ERN1: variants seen among roughly 807,000 people sequenced by gnomAD.
ERN1 encodes the protein endoplasmic reticulum to nucleus signaling 1.
ERN1 carries 39 observed loss-of-function variants against 113.1 expected under a neutral mutation model. That is an observed-to-expected ratio of 0.34 (90% CI 0.27 to 0.45). The LOEUF (loss-of-function observed/expected upper bound fraction) is 0.45, where lower values mean the gene tolerates loss of function less well. Ranked by LOEUF, ERN1 falls within the 20% of genes least tolerant of loss-of-function variation. ERN1 has a pLI of 1.00. For missense variants in ERN1, 976 were observed against 1,274.8 expected (o/e 0.77, Z 3.57); for synonymous variants, 507 against 515.9 (o/e 0.98, Z 0.23).
At chr17:64,053,004 C>A in intron 16 of ERN1, 25 bp from the exon 17 acceptor site, 1 of 1,549,676 alleles carries the variant, frequency 6.5e-7, no homozygotes, top group Admixed American at 1.9e-5. Flanking sequence ...CAGATTAGTC[C>A]AATGCTTACC....
intron 7 of ERN1, among the ~76,000 whole-genome samples, chr17:64,067,268 TAGC>T (rs1913259262): frequency 6.6e-6 from 1 of 152,014 alleles, no homozygotes; most frequent in African/African-American, 2.4e-5. Context: ...TGGCATTTCA[TAGC>T]AGTCACTTGA....
intron 8 of ERN1, among the ~76,000 whole-genome samples, chr17:64,066,018 A>AT (rs1913212564): frequency 6.6e-6 from 1 of 152,092 alleles, no homozygotes; most frequent in Non-Finnish European, 1.5e-5. Flanking sequence ...TTGCCGGCAT[A>AT]TTATCTTGTT....
At chr17:64,048,743 C>T (rs1912590127) in intron 18 of ERN1, among the ~76,000 whole-genome samples, 2 of 152,146 alleles carry the variant, frequency 1.3e-5, no homozygotes, top group Admixed American at 1.3e-4. Flanking sequence ...AGGAAGGGAC[C>T]TCTGATTATT....
In ERN1 at chr17:64,042,241, G is replaced by A. The variant is rs196905; in HGVS notation, c.*1747C>T. ...CAACGCACAGCCTTGCTTAGAAGACGCCAAGGACACCGACCAAGGGCCAAG... is the reference window on the plus strand; with the variant it reads ...CAACGCACAGCCTTGCTTAGAAGACACCAAGGACACCGACCAAGGGCCAAG... On this transcript the variant is annotated 3_prime_UTR_variant, in exon 22 of 22. Coordinates refer to ENST00000433197, the MANE Select transcript of ERN1 (RefSeq NM_001433.5). The A allele has an allele frequency of 0.93, 142,259 of 152,338 alleles. 67,226 individuals are homozygous for A. Among genetic ancestry groups the A allele is most frequent in the East Asian group, 1 (5,188 of 5,188 alleles). The allele number at this position is 152,338 out of a possible 1,614,324, so 9.4% of individuals were successfully genotyped here.
chr17:64,068,003 A>T, intron 7 of ERN1, 187 bp downstream of exon 7: 2 of 542,844 alleles, frequency 3.7e-6, no homozygotes, highest in Non-Finnish European at 6.6e-6. Context: ...TTCCCTTCAG[A>T]CTTCACCAAG....
intron 4 of ERN1, among the ~76,000 whole-genome samples, chr17:64,078,426 T>G (rs1303714199): frequency 6.6e-6 from 1 of 152,222 alleles, no homozygotes; most frequent in Non-Finnish European, 1.5e-5. Flanking sequence ...CTACAAATAC[T>G]TTGTGGCCTC....
At chr17:64,067,474 G>A (rs933631803) in intron 7 of ERN1, among the ~76,000 whole-genome samples, 2 of 151,440 alleles carry the variant, frequency 1.3e-5, no homozygotes, top group African/African-American at 4.9e-5. Context: ...GGGGAGTGGC[G>A]GTACGTGCCT....
intron 6 of ERN1, 45 bp from the exon 7 acceptor site, chr17:64,068,336 A>G (rs1158990887): frequency 7.5e-7 from 1 of 1,330,510 alleles, no homozygotes; most frequent in African/African-American, 1.4e-5. Context: ...GAGGGGCCAT[A>G]GTACCTACTG....
At chr17:64,064,178 G>C in intron 9 of ERN1, 27 bp from the exon 10 acceptor site, 1 of 1,561,330 alleles carries the variant, frequency 6.4e-7, no homozygotes, top group Non-Finnish European at 8.7e-7. Flanking sequence ...GTGAGGGTCA[G>C]GAGCCCTGGA....
chr17:64,072,406 A>T (rs1913447878), intron 5 of ERN1, among the ~76,000 whole-genome samples: 1 of 152,262 alleles, frequency 6.6e-6, no homozygotes, highest in South Asian at 2.1e-4. Flanking sequence ...GAGTGGCTTT[A>T]AATATGAAAA....
intron 1 of ERN1, among the ~76,000 whole-genome samples, chr17:64,126,599 T>G (rs1915087429): frequency 6.6e-6 from 1 of 152,176 alleles, no homozygotes; most frequent in South Asian, 2.1e-4. Flanking sequence ...TGCAGAAGGC[T>G]GAATAGGCAG....
At chr17:64,096,775 T>C (rs1270866019) in intron 2 of ERN1, among the ~76,000 whole-genome samples, 1 of 152,182 alleles carries the variant, frequency 6.6e-6, no homozygotes, top group African/African-American at 2.4e-5. Context: ...CACAGTTTTG[T>C]TGCATACAGA....
At chr17:64,099,857 T>C (rs1015322130) in intron 1 of ERN1, among the ~76,000 whole-genome samples, 2 of 152,152 alleles carry the variant, frequency 1.3e-5, no homozygotes, top group Non-Finnish European at 2.9e-5. Context: ...ACATCCCACC[T>C]CTTCGCTTTG....
At chr17:64,094,342 G>A (rs764101034) in intron 2 of ERN1, among the ~76,000 whole-genome samples, 26 of 152,110 alleles carry the variant, frequency 1.7e-4, no homozygotes, top group South Asian at 2.1e-4. Flanking sequence ...GCGTGTGTCC[G>A]AGCATTTACA....
chr17:64,084,328 C>T (rs1449065232), intron 2 of ERN1, among the ~76,000 whole-genome samples: 2 of 152,162 alleles, frequency 1.3e-5, no homozygotes, highest in African/African-American at 4.8e-5. Context: ...GTTTCGATGC[C>T]AACCATAATT....
At chr17:64,084,573 A>G (rs11869535) in intron 2 of ERN1, among the ~76,000 whole-genome samples, 9,286 of 152,290 alleles carry the variant, frequency 0.061, 378 homozygotes, top group Non-Finnish European at 0.088. Context: ...GGGCATCTCT[A>G]TGTGGATTAA....
chr17:64,066,859 C>T lies in ERN1; in HGVS notation c.654G>A (p.Trp218Ter). Residue 218 changes from tryptophan (W) to a stop codon, truncating the protein, a stop_gained, in exon 8 of 22, where the codon TGG becomes TGA. Coordinates refer to ENST00000433197, the MANE Select transcript of ERN1 (RefSeq NM_001433.5). LOFTEE classifies it high-confidence loss of function. Reference sequence around the variant, plus strand: ...CCACAGGGGAGGCGTAGTTTTGGATCCACAGGACGTCCCCAGATTCACTGT... The same window carrying T: ...CCACAGGGGAGGCGTAGTTTTGGATTCACAGGACGTCCCCAGATTCACTGT... Reference protein sequence around the residue: ...TVDSESGDVLWIQNYASPVVA... With the variant: ...TVDSESGDVL 1 of 1,613,908 alleles carries T rather than the reference C, an allele frequency of 6.2e-7. No homozygotes were observed. The highest frequency in any genetic ancestry group is 8.5e-7 in the Non-Finnish European group (1 of 1,179,860).
At chr17:64,114,728 T>C (rs1476517393) in intron 1 of ERN1, among the ~76,000 whole-genome samples, 6 of 152,000 alleles carry the variant, frequency 3.9e-5, no homozygotes, top group Non-Finnish European at 8.8e-5. Context: ...AAAAAAGCAC[T>C]CTCCCTAAGG....
intron 10 of ERN1, among the ~76,000 whole-genome samples, chr17:64,062,370 A>G (rs145612506): frequency 6.6e-6 from 1 of 152,396 alleles, no homozygotes; most frequent in African/African-American, 2.4e-5. Flanking sequence ...GAAAGGACAT[A>G]TCTGGACATA....
Sources: allele counts gnomAD v4.1 joint callset (sites outside exome capture counted in the v4.1 genomes callset), GRCh38; gene constraint gnomAD v4.1.1; transcripts MANE v1.5; gene names NCBI Gene and HGNC (gene_info 2026-07-23, HGNC 2026-07-21).